USP24: variants seen among roughly 807,000 people sequenced by gnomAD.
The protein encoded by USP24 is ubiquitin specific peptidase 24.
Under a neutral mutation model 361.6 loss-of-function variants are expected in USP24, and 97 were observed. That is an observed-to-expected ratio of 0.27 (90% CI 0.23 to 0.32). The LOEUF (loss-of-function observed/expected upper bound fraction) is 0.32, where lower values mean the gene tolerates loss of function less well. Among genes scored for constraint, USP24 ranks in the 10% least tolerant of loss-of-function variants. The probability of loss-of-function intolerance (pLI) is 1.00; values close to 1 mark genes in which losing one functional copy is unlikely to be tolerated. For missense variants in USP24, 2,353 were observed against 3,165.6 expected (o/e 0.74, Z 6.16); for synonymous variants, 1,098 against 1,124.6 (o/e 0.98, Z 0.47).
At chr1:55,159,559 C>T in intron 9 of USP24, 52 bp downstream of exon 9, 1 of 1,494,972 alleles carries the variant, frequency 6.7e-7, no homozygotes. Context: ...CCTGGCTCTG[C>T]TTCTGTGAAC....
intron 64 of USP24, 46 bp downstream of exon 64, chr1:55,073,782 G>A (rs1390724975): frequency 6.6e-7 from 1 of 1,511,132 alleles, no homozygotes; most frequent in East Asian, 2.5e-5. Context: ...TATGTGACTT[G>A]TAATTAAAAC....
chr1:55,214,201 C>G (rs970303117), intron 1 of USP24, among the ~76,000 whole-genome samples: 2 of 151,564 alleles, frequency 1.3e-5, no homozygotes, highest in African/African-American at 4.9e-5. Context: ...CTACTCAATG[C>G]CCCCCCTTTC....
At chr1:55,076,472 G>A (rs1645033599) in intron 62 of USP24, among the ~76,000 whole-genome samples, 1 of 152,188 alleles carries the variant, frequency 6.6e-6, no homozygotes, top group South Asian at 2.1e-4. Context: ...CCTCTATGGA[G>A]TATCAAGAAT....
At chr1:55,082,670 C>CAGCTACCA (rs1645174812) in intron 58 of USP24, among the ~76,000 whole-genome samples, 2 of 152,130 alleles carry the variant, frequency 1.3e-5, no homozygotes, top group South Asian at 4.1e-4. Context: ...CCTATAGTCC[C>CAGCTACCA]AGCTACCAGG....
chr1:55,069,763 T>C (rs1644881918), intron 67 of USP24, among the ~76,000 whole-genome samples: 2 of 148,972 alleles, frequency 1.3e-5, no homozygotes, highest in Non-Finnish European at 1.5e-5. Flanking sequence ...TCCCAGCTAC[T>C]TGGGAGGCTG....
chr1:55,093,906 T>G, intron 52 of USP24, 31 bp downstream of exon 52: 1 of 1,612,292 alleles, frequency 6.2e-7, no homozygotes, highest in Non-Finnish European at 8.5e-7. Flanking sequence ...ACGTGGATAT[T>G]CCCCCTTAGA....
In USP24 at chr1:55,068,426, C is replaced by T. The variant is rs1644857626; in HGVS notation, c.*619G>A. On this transcript the variant is annotated 3_prime_UTR_variant, in exon 68 of 68. Transcript: ENST00000294383. ...CAATTTTTGATCCTGATCCTGGTAA[C>T]CTTTCATCAAGATCCAAGCTTATGC... The T allele has an allele frequency of 1.3e-5, 2 of 152,142 alleles. No homozygotes were observed. The highest frequency in any genetic ancestry group is 4.8e-5 in the African/African-American group (2 of 41,424). The allele number at this position is 152,142 out of a possible 1,614,324, so 9.4% of individuals were successfully genotyped here.
chr1:55,142,938 G>A (rs1570527154), intron 22 of USP24, 41 bp downstream of exon 22: 1 of 1,455,220 alleles, frequency 6.9e-7, no homozygotes, highest in East Asian at 2.5e-5. Flanking sequence ...ATAATTTTCT[G>A]CTTTTTTGTA....
intron 42 of USP24, among the ~76,000 whole-genome samples, chr1:55,103,302 G>A (rs1159876075): frequency 6.6e-6 from 1 of 152,164 alleles, no homozygotes; most frequent in East Asian, 1.9e-4. Context: ...CCAACAGCTG[G>A]TGGTGAAGTG....
chr1:55,156,604 A>G (rs1307538298), intron 12 of USP24, among the ~76,000 whole-genome samples: 6 of 152,188 alleles, frequency 3.9e-5, no homozygotes, highest in Non-Finnish European at 7.3e-5. Context: ...TAAATGGGAA[A>G]AAAATTATTA....
intron 1 of USP24, among the ~76,000 whole-genome samples, chr1:55,189,201 A>C (rs565178866): frequency 6.6e-6 from 1 of 152,304 alleles, no homozygotes; most frequent in Admixed American, 6.5e-5. Flanking sequence ...ACACGTATAC[A>C]TGAGTGTTCG....
At chr1:55,204,151 G>C (rs962007564) in intron 1 of USP24, among the ~76,000 whole-genome samples, 12 of 152,192 alleles carry the variant, frequency 7.9e-5, no homozygotes, top group Non-Finnish European at 1.3e-4. Flanking sequence ...TGCTGGACAG[G>C]TTTTTATTTA....
chr1:55,139,288 G>A (rs141357274), intron 24 of USP24, among the ~76,000 whole-genome samples: 145 of 152,228 alleles, frequency 9.5e-4, no homozygotes, highest in African/African-American at 3.3e-3. Context: ...TTCCATAAAT[G>A]GAGGACCTGG....
rs754128210 is a variant in USP24, at chr1:55,125,450, C to G, written c.3830G>C (p.Ser1277Thr). Residue 1277 changes from serine to threonine, a missense_variant, in exon 34 of 68, where the codon AGC becomes ACC. Around this residue, in one of 8 missense-constraint regions of USP24, gnomAD observed 949 missense variants for 1,280.5 expected, o/e 0.74. Transcript: ENST00000294383. The stretch of plus-strand genomic sequence containing the variant: ...GGACATCTGTCTGCTTGTCTGCCGG[C>G]TGACATTTCGGAATGGGCGGGAAGA... ...ALSSRPFRNV[S>T]RQTSRQMSLC... The G allele has an allele frequency of 1.2e-6, 2 of 1,613,930 alleles. No individual in the cohort carries two copies. The highest frequency in any genetic ancestry group is 1.7e-6 in the Non-Finnish European group (2 of 1,179,868).
At position 55,067,228 on chromosome 1, in the gene USP24, G is replaced by C. The variant is rs915557413; in HGVS notation, c.*1817C>G. ...TGTGGATCATCGCCAGCATTTCAAG[G>C]TCATGTCCCACACAATCTCTTGGTG... On this transcript the variant is annotated 3_prime_UTR_variant, in exon 68 of 68. Coordinates refer to ENST00000294383, the MANE Select transcript of USP24 (RefSeq NM_015306.3). 6 of 151,832 alleles carry C rather than the reference G, an allele frequency of 4.0e-5. No homozygotes were observed. The highest frequency in any genetic ancestry group is 1.5e-4 in the African/African-American group (6 of 41,266). The allele number at this position is 151,832 out of a possible 1,614,324, so 9.4% of individuals were successfully genotyped here.
chr1:55,096,857 C>T (rs189667209), intron 49 of USP24, 95 bp downstream of exon 49: 2 of 1,462,212 alleles, frequency 1.4e-6, no homozygotes, highest in Non-Finnish European at 1.9e-6. Flanking sequence ...AAGAACAATG[C>T]CAAAGTGTCC....
intron 10 of USP24, among the ~76,000 whole-genome samples, chr1:55,157,943 C>T (rs1017267534): frequency 2.6e-5 from 4 of 152,098 alleles, no homozygotes; most frequent in African/African-American, 9.7e-5. Flanking sequence ...ATCAGGCACT[C>T]CCTCCAAATT....
intron 59 of USP24, among the ~76,000 whole-genome samples, chr1:55,080,834 C>G (rs1303265607): frequency 6.6e-6 from 1 of 152,140 alleles, no homozygotes; most frequent in Non-Finnish European, 1.5e-5. Context: ...ATCTTACATT[C>G]AAATATATTT....
At chr1:55,130,884 G>A (rs964965852) in intron 31 of USP24, among the ~76,000 whole-genome samples, 4 of 152,138 alleles carry the variant, frequency 2.6e-5, no homozygotes, top group African/African-American at 7.2e-5. Context: ...TTTTGGGAGT[G>A]TTAGGTTTCC....
Sources: gnomAD v4.1 joint callset for allele counts (sites outside exome capture counted in the v4.1 genomes callset) on GRCh38, gnomAD v4.1.1 for gene constraint, gnomAD v4.1.1 regional missense constraint, MANE v1.5 for transcripts, NCBI Gene and HGNC (gene_info 2026-07-23, HGNC 2026-07-21) for gene names.